The following GANC variants were observed in gnomAD, a reference collection of about 807,000 sequenced individuals.
GANC encodes the protein neutral alpha-glucosidase C.
A neutral mutation model predicts 124.2 loss-of-function variants in GANC; 117 were observed. The ratio of observed to expected loss-of-function variants is 0.94; its 90% CI spans 0.81 to 1.10. GANC has a LOEUF of 1.10. Ranked by LOEUF, GANC falls within the 50% of genes least tolerant of loss-of-function variation. GANC has a pLI of 0.00. For missense variants in GANC, 1,140 were observed against 1,095.0 expected (o/e 1.04, Z -0.58); for synonymous variants, 377 against 376.8 (o/e 1.00, Z -0.01).
chr15:42,277,285 C>G (rs974161120), intron 2 of GANC, among the ~76,000 whole-genome samples: 5 of 152,122 alleles, frequency 3.3e-5, no homozygotes, highest in Admixed American at 2.0e-4. Context: ...AATCCCAGCA[C>G]TTCGGGAGGC....
At chr15:42,322,655 T>C (rs1033124097) in intron 11 of GANC, among the ~76,000 whole-genome samples, 8 of 151,966 alleles carry the variant, frequency 5.3e-5, no homozygotes, top group African/African-American at 1.7e-4. Context: ...AAGTCAAATA[T>C]CAAATATGGT....
At chr15:42,320,359 A>G (rs1207535659) in intron 10 of GANC, among the ~76,000 whole-genome samples, 1 of 151,906 alleles carries the variant, frequency 6.6e-6, no homozygotes, top group East Asian at 1.9e-4. Flanking sequence ...ATGTTTTGAT[A>G]TTTACTTTGG....
chr15:42,350,498 A>T (rs1246307591), intron 22 of GANC, among the ~76,000 whole-genome samples: 2 of 151,680 alleles, frequency 1.3e-5, no homozygotes, highest in Non-Finnish European at 2.9e-5. Flanking sequence ...ATAACTTGTT[A>T]AAAAGAGCCT....
chr15:42,329,253 A>G (rs558440649), intron 13 of GANC, 53 bp from the exon 14 acceptor site: 2 of 1,550,768 alleles, frequency 1.3e-6, no homozygotes, highest in East Asian at 2.3e-5. Context: ...GGTGACAGCT[A>G]TTATATAGAC....
At chr15:42,292,299 C>T (rs2051847720) in intron 4 of GANC, among the ~76,000 whole-genome samples, 1 of 151,362 alleles carries the variant, frequency 6.6e-6, no homozygotes. Flanking sequence ...ATTTTACACA[C>T]CAAAATCTAG....
rs1017433175 is a variant in GANC, at chr15:42,274,350, G to T, written c.-132G>T. On this transcript the variant is annotated 5_prime_UTR_variant, in exon 1 of 24. Coordinates refer to ENST00000318010, the MANE Select transcript of GANC (RefSeq NM_198141.3). The stretch of plus-strand genomic sequence containing the variant: ...TGTCACTCCATGAGAATCTGGAGGG[G>T]ACTCCCTTCCCAGAAACTTGACGAT... The T allele has an allele frequency of 3.4e-6, 3 of 878,818 alleles. No individual in the cohort carries two copies. Among genetic ancestry groups the T allele is most frequent in the African/African-American group, 3.4e-5 (2 of 58,384 alleles). 54.4% of individuals were successfully genotyped at this position (878,818 alleles called of 1,614,324 possible).
At chr15:42,287,009 T>G (rs1470056880) in intron 3 of GANC, among the ~76,000 whole-genome samples, 3 of 152,224 alleles carry the variant, frequency 2.0e-5, no homozygotes, top group East Asian at 3.8e-4. Context: ...TCCTAGAGCT[T>G]CTTGTTCTGT....
chr15:42,338,388 G>T lies in GANC; in HGVS notation c.1742-1G>T, dbSNP rs2052300403. The T allele has an allele frequency of 6.2e-7, 1 of 1,610,786 alleles. No individual in the cohort carries two copies. The highest frequency in any genetic ancestry group is 1.3e-5 in the African/African-American group (1 of 74,842). ...TAATACATTGTTGCTGGTGACCAAA[G>T]GTGCCGTGTGGACAGGCGACAACAC... is the stretch of plus-strand genomic sequence containing the variant. On this transcript the variant is annotated splice_acceptor_variant, in intron 15 of 23. Coordinates refer to ENST00000318010, the MANE Select transcript of GANC (RefSeq NM_198141.3). LOFTEE classifies it high-confidence loss of function.
chr15:42,297,066 A>T lies in GANC; in HGVS notation c.513-545A>T, dbSNP rs1224838130. On this transcript the variant is annotated intron_variant, in intron 5 of 23. Transcript: ENST00000318010. ...AATACAACTATGGGTGGAAGAATAAATTGTCACAATCATTCTGAAAGACTG... is the reference window on the plus strand; with the variant it reads ...AATACAACTATGGGTGGAAGAATAATTTGTCACAATCATTCTGAAAGACTG... 2.0e-5 allele frequency among the ~76,000 whole-genome samples: 3 copies of T among 152,238 alleles called. No individual in the cohort carries two copies. In the East Asian group the frequency reaches 5.8e-4, roughly 29 times the overall value.
At chr15:42,336,468 A>G (rs1346542280) in intron 15 of GANC, among the ~76,000 whole-genome samples, 1 of 152,206 alleles carries the variant, frequency 6.6e-6, no homozygotes, top group Non-Finnish European at 1.5e-5. Flanking sequence ...CATATACTGT[A>G]TACAAAATTA....
At chr15:42,332,092 ACAAT>A (rs1415530288) in intron 15 of GANC, among the ~76,000 whole-genome samples, 3 of 152,156 alleles carry the variant, frequency 2.0e-5, no homozygotes, top group Non-Finnish European at 4.4e-5. Context: ...TAAAATGCAC[ACAAT>A]CAAGGCTAAC....
rs1757445750 is a variant in GANC at position 42,274,302 on chromosome 15, TTCCAG to T, written c.-179_-175del. ...GAAACGCTAGTTTGGGCCTGAAAAA[TTCCAG>T]GAGCAAGAGTCAAGATTTGTCACTC... On this transcript the variant is annotated 5_prime_UTR_variant, in exon 1 of 24. In the 5' UTR this introduces an upstream ATG that the reference lacks. Coordinates refer to ENST00000318010, the MANE Select transcript of GANC (RefSeq NM_198141.3). 6 of 665,090 alleles carry T rather than the reference TTCCAG, an allele frequency of 9.0e-6. No homozygotes were observed. Among genetic ancestry groups the T allele is most frequent in the Non-Finnish European group, 1.6e-5 (6 of 383,288 alleles). The allele number at this position is 665,090 out of a possible 1,614,324, so 41.2% of individuals were successfully genotyped here.
chr15:42,291,166 C>A (rs1566950750), intron 4 of GANC, among the ~76,000 whole-genome samples: 2 of 151,832 alleles, frequency 1.3e-5, no homozygotes, highest in South Asian at 2.1e-4. Flanking sequence ...GCAAAAAAAA[C>A]CTGGGAAATA....
intron 2 of GANC, among the ~76,000 whole-genome samples, chr15:42,277,074 AG>A (rs2051678487): frequency 6.6e-6 from 1 of 152,222 alleles, no homozygotes; most frequent in South Asian, 2.1e-4. Context: ...ACCACAATGA[AG>A]AGCTATACAT....
rs908754345 is a variant in GANC, at chr15:42,329,459, C to A, written c.1644+10C>A. On this transcript the variant is annotated intron_variant, in intron 14 of 23. Transcript: ENST00000318010. ...CTACGGTTTTTATCATGTAAGACAT[C>A]CAAAAAGAATTAAACTGGGCTTGTG... 7 of 1,600,310 alleles carry A rather than the reference C, an allele frequency of 4.4e-6. No individual in the cohort carries two copies. Among genetic ancestry groups the A allele is most frequent in the Non-Finnish European group, 6.0e-6 (7 of 1,175,394 alleles).
rs762433790 is a variant in GANC, at chr15:42,276,410, G to C, written c.92G>C (p.Arg31Thr). ...FRDCNKIAFY[R>T]RQKQWLSKKS... ...GACTGTAACAAGATCGCATTTTACA[G>C]GTAAGGAAAATAAATATAGTAGCTA... Residue 31 changes from arginine to threonine, a missense_variant and splice_region_variant, in exon 2 of 24, where the codon AGG becomes ACG. By Grantham distance (71) the Arg-to-Thr change is moderately conservative. Coordinates refer to ENST00000318010, the MANE Select transcript of GANC (RefSeq NM_198141.3). The C allele has an allele frequency of 7.2e-7, 1 of 1,386,590 alleles. No individual in the cohort carries two copies. Among genetic ancestry groups the C allele is most frequent in the Non-Finnish European group, 1.0e-6 (1 of 976,474 alleles). 85.9% of individuals were successfully genotyped at this position (1,386,590 alleles called of 1,614,324 possible).
chr15:42,340,697 TGGG>T lies in GANC; in HGVS notation c.2096_2098del (p.Trp699_Val700delinsLeu). On this transcript the variant is annotated inframe_deletion, in exon 18 of 24. Coordinates refer to ENST00000318010, the MANE Select transcript of GANC (RefSeq NM_198141.3). ...TTTTTTTTCTTTCCCCAGGCCTCTG[TGGG>T]TAGAGTTCCCTGATGAACTAAAGAC... The T allele has an allele frequency of 1.2e-6, 2 of 1,604,580 alleles. No homozygotes were observed. Among genetic ancestry groups the T allele is most frequent in the South Asian group, 2.2e-5 (2 of 89,704 alleles).
chr15:42,280,469 C>A (rs1285169463), intron 3 of GANC, among the ~76,000 whole-genome samples: 3 of 152,184 alleles, frequency 2.0e-5, no homozygotes, highest in Non-Finnish European at 4.4e-5. Context: ...GGTCTAATAG[C>A]CTGACACCCG....
rs573289223 is a variant in GANC, at chr15:42,313,899, C to A, written c.1057+3053C>A. On this transcript the variant is annotated intron_variant, in intron 10 of 23. Coordinates refer to ENST00000318010, the MANE Select transcript of GANC (RefSeq NM_198141.3). ...CTTCCCAGAGAAAGGCTGCAGTAAG[C>A]ACTGTTCATGCTGCTGCTCTCCCGC... 4 of 593,026 alleles carry A rather than the reference C, an allele frequency of 6.7e-6. No individual in the cohort carries two copies. The South Asian group carries it at 8.2e-5, about 12-fold the overall frequency. The allele number at this position is 593,026 out of a possible 1,614,324, so 36.7% of individuals were successfully genotyped here. A position where few individuals can be genotyped will look rare whatever the true frequency, so the allele number is the denominator to read the frequency against.
Sources: gnomAD v4.1 joint callset for allele counts (sites outside exome capture counted in the v4.1 genomes callset) on GRCh38, gnomAD v4.1.1 for gene constraint, MANE v1.5 for transcripts, NCBI Gene and HGNC (gene_info 2026-07-23, HGNC 2026-07-21) for gene names.